Variants in NKAIN3 observed in about 807,000 individuals in gnomAD.
The protein encoded by NKAIN3 is sodium/potassium-transporting ATPase subunit beta-1-interacting protein 3.
In NKAIN3, 25 loss-of-function variants were observed where a neutral mutation model predicts 30.2. The observed-to-expected ratio is 0.83, with a 90% CI of 0.60 to 1.16. The LOEUF is 1.16. NKAIN3 is among the 50% of genes most tolerant of loss of function. The pLI is 0.00. For synonymous variants in NKAIN3, 91 were observed against 89.6 expected (o/e 1.02, Z -0.09); for missense variants, 225 against 254.1 (o/e 0.89, Z 0.78).
intron 3 of NKAIN3, among the ~76,000 whole-genome samples, chr8:62,617,297 A>T (rs1226543245): frequency 6.6e-6 from 1 of 152,028 alleles, no homozygotes; most frequent in South Asian, 2.1e-4. Flanking sequence ...GATAAAAGAC[A>T]CTCCCATTAC....
intron 3 of NKAIN3, among the ~76,000 whole-genome samples, chr8:62,739,997 T>A (rs943865742): frequency 5.9e-5 from 9 of 152,224 alleles, no homozygotes; most frequent in African/African-American, 1.7e-4. Context: ...CTGTAAGAGA[T>A]GCTTTTAATG....
At position 62,831,145 on chromosome 8, in the gene NKAIN3, G is replaced by A. The variant is rs113026310; in HGVS notation, c.471+84016G>A. Among the ~76,000 whole-genome samples, 514 of 152,144 alleles carry A rather than the reference G, an allele frequency of 3.4e-3. 6 individuals are homozygous for A. The highest frequency in any genetic ancestry group is 0.011 in the African/African-American group (450 of 41,498). On this transcript the variant is annotated intron_variant, in intron 4 of 6. Transcript: ENST00000623646. Reference sequence around the variant, plus strand: ...ATATAAGACCTGCTGACAGAATTGCGTAGAAGAAAAGCCAAAGACCCTACC... The same window carrying A: ...ATATAAGACCTGCTGACAGAATTGCATAGAAGAAAAGCCAAAGACCCTACC...
chr8:62,316,361 T>C (rs1252563624), intron 1 of NKAIN3, among the ~76,000 whole-genome samples: 1 of 152,110 alleles, frequency 6.6e-6, no homozygotes, highest in African/African-American at 2.4e-5. Flanking sequence ...ACTTGTGCCA[T>C]GTTGGTGTGC....
intron 4 of NKAIN3, among the ~76,000 whole-genome samples, chr8:62,891,169 C>T (rs1260168446): frequency 2.6e-5 from 4 of 152,138 alleles, no homozygotes; most frequent in Admixed American, 6.5e-5. Context: ...GCAGACCCAC[C>T]GTCAATGTGG....
At chr8:62,576,928 C>T (rs1443672120) in intron 1 of NKAIN3, among the ~76,000 whole-genome samples, 2 of 152,018 alleles carry the variant, frequency 1.3e-5, no homozygotes, top group Non-Finnish European at 2.9e-5. Flanking sequence ...AAAGTGGTGT[C>T]TCTAGAGATT....
At chr8:62,403,899 A>G (rs1395362846) in intron 1 of NKAIN3, among the ~76,000 whole-genome samples, 1 of 152,154 alleles carries the variant, frequency 6.6e-6, no homozygotes, top group Non-Finnish European at 1.5e-5. Context: ...AGTAACAGAC[A>G]CTCAATGCCA....
At chr8:62,641,956 C>T (rs1812320569) in intron 3 of NKAIN3, among the ~76,000 whole-genome samples, 1 of 151,844 alleles carries the variant, frequency 6.6e-6, no homozygotes, top group Non-Finnish European at 1.5e-5. Context: ...TATTGACTGC[C>T]CAGAGTGGTG....
At chr8:62,497,665 G>T (rs539884352) in intron 1 of NKAIN3, among the ~76,000 whole-genome samples, 2 of 152,090 alleles carry the variant, frequency 1.3e-5, no homozygotes, top group Non-Finnish European at 2.9e-5. Context: ...AAGTGTCTAG[G>T]AGTGATCCAA....
chr8:62,454,542 CT>C (rs66639489), intron 1 of NKAIN3, among the ~76,000 whole-genome samples: 27,004 of 151,956 alleles, frequency 0.18, 2,478 homozygotes, highest in African/African-American at 0.2. Flanking sequence ...ATAAATTGAA[CT>C]GTCATTCATG....
Position 62,921,785 on chromosome 8 carries a change from G to T in NKAIN3, c.532+3272G>T, listed in dbSNP as rs144883611. On this transcript the variant is annotated intron_variant, in intron 5 of 6. Transcript: ENST00000623646. ...TCTGGAATCATAATGATAGAAATCT[G>T]TCAACACCTTGTTTGGGAATCATTT... Among the ~76,000 whole-genome samples the T allele has an allele frequency of 2.0e-3, 298 of 152,216 alleles. 1 individual carries two copies. The highest frequency in any genetic ancestry group is 6.7e-3 in the African/African-American group (279 of 41,516).
intron 4 of NKAIN3, among the ~76,000 whole-genome samples, chr8:62,832,053 G>A (rs1819213478): frequency 6.6e-6 from 1 of 152,028 alleles, no homozygotes; most frequent in South Asian, 2.1e-4. Context: ...GAAGAGATAA[G>A]AGGCCTATTT....
chr8:62,586,460 T>C (rs897605837), intron 2 of NKAIN3, among the ~76,000 whole-genome samples: 1 of 152,170 alleles, frequency 6.6e-6, no homozygotes, highest in Admixed American at 6.6e-5. Context: ...GACAAATGTT[T>C]GAGATGTTCA....
intron 1 of NKAIN3, among the ~76,000 whole-genome samples, chr8:62,402,766 G>A (rs556986039): frequency 9.2e-5 from 14 of 152,074 alleles, no homozygotes; most frequent in African/African-American, 2.2e-4. Flanking sequence ...CCTTATAGCC[G>A]CGTGGGAACA....
chr8:62,750,572 C>T (rs1336813580), intron 4 of NKAIN3, among the ~76,000 whole-genome samples: 2 of 152,140 alleles, frequency 1.3e-5, no homozygotes, highest in South Asian at 2.1e-4. Context: ...CTTCTGCCGG[C>T]GCCTCTGTCC....
At chr8:62,396,073 A>G (rs1019284358) in intron 1 of NKAIN3, among the ~76,000 whole-genome samples, 1 of 152,246 alleles carries the variant, frequency 6.6e-6, no homozygotes, top group Non-Finnish European at 1.5e-5. Flanking sequence ...CATTATTTTA[A>G]TAGCACACTA....
chr8:62,746,883 G>T (rs1171855018), intron 3 of NKAIN3, 49 bp from the exon 4 acceptor site: 1 of 1,334,754 alleles, frequency 7.5e-7, no homozygotes, highest in Admixed American at 1.7e-5. Flanking sequence ...TCAAAGACGT[G>T]ATGTAATACA....
intron 4 of NKAIN3, among the ~76,000 whole-genome samples, chr8:62,866,910 C>A (rs1399234941): frequency 1.5e-4 from 11 of 75,270 alleles, no homozygotes; most frequent in Non-Finnish European, 3.0e-4. Flanking sequence ...AAAAAATTGG[C>A]CGGGCTTGGT....
intron 4 of NKAIN3, among the ~76,000 whole-genome samples, chr8:62,804,314 AG>A (rs1178961261): frequency 6.6e-6 from 1 of 152,198 alleles, no homozygotes; most frequent in Non-Finnish European, 1.5e-5. Context: ...CAACCAAAAA[AG>A]AGAATACCAA....
chr8:62,473,543 T>TA (rs1806423567), intron 1 of NKAIN3: 1 of 152,326 alleles, frequency 6.6e-6, no homozygotes, highest in South Asian at 2.1e-4. Flanking sequence ...TTCTTATTGC[T>TA]ACTGTTACCT....
Sources: allele counts gnomAD v4.1 joint callset (sites outside exome capture counted in the v4.1 genomes callset), GRCh38; gene constraint gnomAD v4.1.1; transcripts MANE v1.5; gene names NCBI Gene and HGNC (gene_info 2026-07-23, HGNC 2026-07-21).